DGKB: variants seen among roughly 807,000 people sequenced by gnomAD.
DGKB encodes 90 kDa diacylglycerol kinase.
Under a neutral mutation model 114.3 loss-of-function variants are expected in DGKB, and 67 were observed. The observed-to-expected ratio is 0.59, with a 90% CI of 0.48 to 0.72. The LOEUF is 0.72. DGKB is among the 30% of genes least tolerant of loss of function. The probability of loss-of-function intolerance (pLI) is 0.00; values close to 1 mark genes in which losing one functional copy is unlikely to be tolerated. For missense variants in DGKB, 907 were observed against 975.2 expected (o/e 0.93, Z 0.93); for synonymous variants, 398 against 323.1 (o/e 1.23, Z -2.49).
intron 2 of DGKB, among the ~76,000 whole-genome samples, chr7:14,782,960 G>C (rs1839348861): frequency 6.6e-6 from 1 of 152,084 alleles, no homozygotes; most frequent in Admixed American, 6.6e-5. Context: ...AGCCTCCCAA[G>C]TCACTGGGAT....
intron 20 of DGKB, among the ~76,000 whole-genome samples, chr7:14,565,169 A>G (rs76676872): frequency 0.031 from 4,743 of 152,134 alleles, 253 homozygotes; most frequent in African/African-American, 0.11. Flanking sequence ...ATTGGGCTTT[A>G]CCCTCTTTTT....
chr7:14,472,659 A>C (rs1781589846), intron 21 of DGKB, among the ~76,000 whole-genome samples: 1 of 152,152 alleles, frequency 6.6e-6, no homozygotes. Flanking sequence ...AAAATGAGGG[A>C]AAGTTTGGAG....
At chr7:14,176,617 T>C in intron 25 of DGKB, 1 of 1,270,892 alleles carries the variant, frequency 7.9e-7, no homozygotes, top group Non-Finnish European at 1.0e-6. Flanking sequence ...CTATTTATAC[T>C]TAGGCTAACA....
At chr7:14,197,451 C>A (rs1376725260) in intron 23 of DGKB, among the ~76,000 whole-genome samples, 2 of 151,604 alleles carry the variant, frequency 1.3e-5, no homozygotes, top group Non-Finnish European at 2.9e-5. Context: ...TGCAGCTGTT[C>A]CCAGTTTCTG....
intron 25 of DGKB, 23 bp from the exon 26 acceptor site, chr7:14,149,261 A>T: frequency 6.4e-7 from 1 of 1,561,074 alleles, no homozygotes; most frequent in Non-Finnish European, 8.8e-7. Flanking sequence ...AGAGAGAGAG[A>T]GAGAGAAAGA....
At position 14,838,016 on chromosome 7, in the gene DGKB, C is replaced by T. The variant is rs140135226; in HGVS notation, c.70+3178G>A. Among the ~76,000 whole-genome samples, 61 of 152,220 alleles carry T rather than the reference C, an allele frequency of 4.0e-4. 1 individual carries two copies. Among genetic ancestry groups the T allele is most frequent in the African/African-American group, 1.3e-3 (54 of 41,554 alleles). On this transcript the variant is annotated intron_variant, in intron 2 of 25. Coordinates refer to ENST00000402815, the MANE Select transcript of DGKB (RefSeq NM_001350709.2). ...TCTCATAGAATCCATTTTAATAATG[C>T]TCTTACACTCAGTGTGACATTTCAT...
intron 20 of DGKB, among the ~76,000 whole-genome samples, chr7:14,554,208 C>G (rs1473926458): frequency 6.6e-6 from 1 of 152,020 alleles, no homozygotes; most frequent in Admixed American, 6.6e-5. Flanking sequence ...TAGGTAAAGA[C>G]ATTTATGTTT....
chr7:14,340,074 G>T (rs775514869), intron 22 of DGKB, among the ~76,000 whole-genome samples: 1 of 151,220 alleles, frequency 6.6e-6, no homozygotes, highest in African/African-American at 2.4e-5. Flanking sequence ...AGACTACTTG[G>T]CAGGGGTAGA....
chr7:14,629,921 A>C (rs1186449869), intron 14 of DGKB, among the ~76,000 whole-genome samples: 1 of 152,088 alleles, frequency 6.6e-6, no homozygotes, highest in Non-Finnish European at 1.5e-5. Context: ...ACGTGAAAAA[A>C]TGGGAGTGGC....
intron 23 of DGKB, among the ~76,000 whole-genome samples, chr7:14,308,403 C>G (rs1459268008): frequency 6.6e-6 from 1 of 151,804 alleles, no homozygotes; most frequent in Admixed American, 6.6e-5. Flanking sequence ...ACACATACAC[C>G]TCTAATAGGA....
chr7:14,608,033 A>G (rs1416811284), intron 16 of DGKB, among the ~76,000 whole-genome samples: 2 of 151,976 alleles, frequency 1.3e-5, no homozygotes, highest in African/African-American at 4.8e-5. Flanking sequence ...TTTCACATAA[A>G]CAAGATCTTG....
intron 21 of DGKB, among the ~76,000 whole-genome samples, chr7:14,365,420 A>T (rs1448728257): frequency 1.3e-5 from 2 of 152,108 alleles, no homozygotes; most frequent in Non-Finnish European, 2.9e-5. Flanking sequence ...TAAAAGAATC[A>T]GAACAGAGTT....
At chr7:14,886,773 G>A (rs111486663) in intron 1 of DGKB, among the ~76,000 whole-genome samples, 1 of 151,790 alleles carries the variant, frequency 6.6e-6, no homozygotes, top group East Asian at 1.9e-4. Flanking sequence ...TAATCCCATC[G>A]AAACATAAAT....
At chr7:14,317,401 A>C (rs1806788962) in intron 23 of DGKB, among the ~76,000 whole-genome samples, 1 of 145,682 alleles carries the variant, frequency 6.9e-6, no homozygotes, top group Non-Finnish European at 1.5e-5. Flanking sequence ...GTCTCAGCCC[A>C]AAATCTCCTT....
intron 9 of DGKB, among the ~76,000 whole-genome samples, chr7:14,688,696 A>G (rs907073324): frequency 6.6e-6 from 1 of 152,216 alleles, no homozygotes; most frequent in Admixed American, 6.5e-5. Context: ...GCTGAGAAGG[A>G]ACTTTACATT....
chr7:14,603,668 T>C (rs1392258161), intron 17 of DGKB, among the ~76,000 whole-genome samples: 4 of 152,128 alleles, frequency 2.6e-5, no homozygotes, highest in Non-Finnish European at 5.9e-5. Flanking sequence ...TAAAATTATG[T>C]GTCGTTTGCA....
chr7:14,701,254 G>A (rs1209453576), intron 7 of DGKB, among the ~76,000 whole-genome samples: 1 of 151,972 alleles, frequency 6.6e-6, no homozygotes, highest in East Asian at 1.9e-4. Context: ...TGTAAAACTG[G>A]GAAAATAATG....
At chr7:14,581,425 C>A (rs899963703) in intron 18 of DGKB, among the ~76,000 whole-genome samples, 2 of 152,134 alleles carry the variant, frequency 1.3e-5, no homozygotes, top group Non-Finnish European at 2.9e-5. Flanking sequence ...GAGTAAATTG[C>A]TAACAATGTC....
chr7:14,298,947 C>T (rs933234285), intron 23 of DGKB, among the ~76,000 whole-genome samples: 1 of 152,120 alleles, frequency 6.6e-6, no homozygotes, highest in Non-Finnish European at 1.5e-5. Context: ...AAAAAAAGCT[C>T]ATCATCACTG....
Sources: gnomAD v4.1 joint callset for allele counts (sites outside exome capture counted in the v4.1 genomes callset) on GRCh38, gnomAD v4.1.1 for gene constraint, MANE v1.5 for transcripts, NCBI Gene and HGNC (gene_info 2026-07-23, HGNC 2026-07-21) for gene names.